The following ANO3 variants were observed in gnomAD, a reference collection of about 807,000 sequenced individuals.
ANO3 encodes the protein anoctamin-3.
A neutral mutation model predicts 144.8 loss-of-function variants in ANO3; 99 were observed. The observed-to-expected ratio is 0.68, with a 90% confidence interval of 0.58 to 0.81. ANO3 has a LOEUF of 0.81. Ranked by LOEUF, ANO3 falls within the 30% of genes least tolerant of loss-of-function variation. The pLI is 0.00. For synonymous variants in ANO3, 414 were observed against 392.6 expected, an observed-to-expected ratio of 1.05 and a Z score of -0.64; for missense variants, 905 against 1,202.2, an observed-to-expected ratio of 0.75 and a Z score of 3.66.
At chr11:26,550,125 C>T (rs1255900824) in intron 12 of ANO3, among the ~76,000 whole-genome samples, 1 of 151,140 alleles carries the variant, frequency 6.6e-6, no homozygotes, top group Non-Finnish European at 1.5e-5. Flanking sequence ...AAGTTTCAAG[C>T]CTATTTCTGA....
chr11:26,381,606 C>T (rs1856591430), intron 1 of ANO3, among the ~76,000 whole-genome samples: 1 of 152,158 alleles, frequency 6.6e-6, no homozygotes, highest in African/African-American at 2.4e-5. Context: ...TAGTACAATA[C>T]CTATCTCATA....
chr11:26,544,668 A>G (rs1565094046), intron 11 of ANO3, among the ~76,000 whole-genome samples: 1 of 151,810 alleles, frequency 6.6e-6, no homozygotes, highest in Non-Finnish European at 1.5e-5. Context: ...TCAAAGCTAT[A>G]TGCATATTTC....
intron 17 of ANO3, among the ~76,000 whole-genome samples, chr11:26,617,603 A>G (rs1472999014): frequency 6.6e-6 from 1 of 152,202 alleles, no homozygotes; most frequent in Non-Finnish European, 1.5e-5. Context: ...CTAAATATCT[A>G]TTTCTACTTA....
At chr11:26,222,307 G>A (rs1157522361) in intron 1 of ANO3, among the ~76,000 whole-genome samples, 2 of 152,252 alleles carry the variant, frequency 1.3e-5, no homozygotes, top group East Asian at 1.9e-4. Context: ...CACTGGTGCA[G>A]CGGGTGGGCT....
chr11:26,220,078 T>C (rs936729979), intron 1 of ANO3, among the ~76,000 whole-genome samples: 1 of 152,124 alleles, frequency 6.6e-6, no homozygotes, highest in Non-Finnish European at 1.5e-5. Flanking sequence ...AAGAGGAAGG[T>C]CAGCTAAGGT....
Position 26,460,174 on chromosome 11 carries a change from T to C in ANO3, c.314-2856T>C, listed in dbSNP as rs753946496. ...AAACTATCTGCATACTCTAATATTA[T>C]TTGTTTTCTTAGTTAATTTACTTCA... On this transcript the variant is annotated intron_variant, in intron 3 of 26. Coordinates refer to ENST00000256737, the MANE Select transcript of ANO3 (RefSeq NM_031418.4). The C allele has an allele frequency of 9.7e-5, 38 of 390,494 alleles. 1 individual carries two copies. Among genetic ancestry groups the C allele is most frequent in the South Asian group, 7.5e-4 (38 of 50,940 alleles). 24.2% of individuals were successfully genotyped at this position (390,494 alleles called of 1,614,324 possible).
chr11:26,585,769 G>A (rs1277316910), intron 14 of ANO3, among the ~76,000 whole-genome samples: 3 of 152,118 alleles, frequency 2.0e-5, no homozygotes, highest in Non-Finnish European at 4.4e-5. Flanking sequence ...ACTTCAGCAA[G>A]TCACTTAACC....
intron 1 of ANO3, among the ~76,000 whole-genome samples, chr11:26,414,944 C>A (rs938765781): frequency 6.6e-6 from 1 of 151,798 alleles, no homozygotes; most frequent in African/African-American, 2.4e-5. Context: ...TGGATGACTT[C>A]TTTCGTCCTG....
At chr11:26,629,871 T>A (rs1852720536) in intron 18 of ANO3, among the ~76,000 whole-genome samples, 1 of 152,208 alleles carries the variant, frequency 6.6e-6, no homozygotes, top group Non-Finnish European at 1.5e-5. Context: ...CCTCAGGTGA[T>A]CTGCCCGCCT....
At chr11:26,428,766 A>T (rs1265762427) in intron 1 of ANO3, among the ~76,000 whole-genome samples, 1 of 151,930 alleles carries the variant, frequency 6.6e-6, no homozygotes, top group Non-Finnish European at 1.5e-5. Context: ...TGTGTTTATC[A>T]GTCTGGGTTC....
intron 22 of ANO3, among the ~76,000 whole-genome samples, 191 bp from the exon 23 acceptor site, chr11:26,642,991 A>T (rs1853219415): frequency 6.6e-6 from 1 of 152,230 alleles, no homozygotes; most frequent in African/African-American, 2.4e-5. Context: ...AAAGGTTTCA[A>T]CATTTTCTAG....
intron 3 of ANO3, among the ~76,000 whole-genome samples, chr11:26,456,302 A>G (rs1859157725): frequency 6.6e-6 from 1 of 152,202 alleles, no homozygotes; most frequent in Non-Finnish European, 1.5e-5. Context: ...ACAAAATGGG[A>G]CAAAATTTTC....
intron 14 of ANO3, among the ~76,000 whole-genome samples, chr11:26,594,471 A>G (rs1851550040): frequency 6.6e-6 from 1 of 152,166 alleles, no homozygotes; most frequent in African/African-American, 2.4e-5. Flanking sequence ...ACATCAATAT[A>G]GCCATCAAGG....
chr11:26,632,281 G>C (rs10430848), intron 18 of ANO3, among the ~76,000 whole-genome samples: 129,926 of 151,234 alleles, frequency 0.86, 56,425 homozygotes, highest in Non-Finnish European at 0.93. Flanking sequence ...GATGCGGTGA[G>C]TCACTCTTGT....
intron 1 of ANO3, among the ~76,000 whole-genome samples, chr11:26,346,158 G>A (rs1458836407): frequency 6.6e-6 from 1 of 152,110 alleles, no homozygotes; most frequent in Non-Finnish European, 1.5e-5. Context: ...GTTGCACATG[G>A]CCACATAGCT....
chr11:26,640,559 G>A (rs542278261), intron 21 of ANO3, among the ~76,000 whole-genome samples: 1 of 152,298 alleles, frequency 6.6e-6, no homozygotes, highest in Non-Finnish European at 1.5e-5. Flanking sequence ...TACTCCATAA[G>A]TATCAACAAG....
At chr11:26,321,684 A>G (rs1396891333) in intron 1 of ANO3, among the ~76,000 whole-genome samples, 1 of 152,044 alleles carries the variant, frequency 6.6e-6, no homozygotes, top group Admixed American at 6.6e-5. Flanking sequence ...CAATCTGAAG[A>G]AGCTATTCTA....
At chr11:26,608,840 G>A (rs1852009660) in intron 17 of ANO3, among the ~76,000 whole-genome samples, 2 of 152,164 alleles carry the variant, frequency 1.3e-5, no homozygotes, top group South Asian at 4.1e-4. Flanking sequence ...AGAGATACCT[G>A]CCATCTTCCC....
chr11:26,303,258 C>T (rs890373345), intron 1 of ANO3, among the ~76,000 whole-genome samples: 2 of 151,968 alleles, frequency 1.3e-5, no homozygotes, highest in Non-Finnish European at 1.5e-5. Flanking sequence ...TTCATCACAG[C>T]GCTATTGACA....
Sources: gnomAD v4.1 joint callset for allele counts (sites outside exome capture counted in the v4.1 genomes callset) on GRCh38, gnomAD v4.1.1 for gene constraint, MANE v1.5 for transcripts, NCBI Gene and HGNC (gene_info 2026-07-23, HGNC 2026-07-21) for gene names.